LRBA: variants seen among roughly 807,000 people sequenced by gnomAD.
The protein encoded by LRBA is LPS responsive beige-like anchor protein.
Under a neutral mutation model 330.0 loss-of-function variants are expected in LRBA, and 176 were observed. The ratio of observed to expected loss-of-function variants is 0.53; its 90% CI spans 0.47 to 0.60. The LOEUF (loss-of-function observed/expected upper bound fraction) is 0.60, where lower values mean the gene tolerates loss of function less well. Among genes scored for constraint, LRBA ranks in the 20% least tolerant of loss-of-function variants. LRBA has a pLI of 0.00. For synonymous variants in LRBA, 1,230 were observed against 1,193.0 expected, an observed-to-expected ratio of 1.03 and a Z score of -0.64; for missense variants, 3,259 against 3,444.8, an observed-to-expected ratio of 0.95 and a Z score of 1.35.
chr4:150,416,366 C>T (rs1033530088), intron 46 of LRBA, among the ~76,000 whole-genome samples: 5 of 152,136 alleles, frequency 3.3e-5, no homozygotes, highest in East Asian at 1.9e-4. Flanking sequence ...ATGGCAGGCC[C>T]GGCTTTCCAA....
chr4:150,812,136 C>A (rs1348800269), intron 31 of LRBA, among the ~76,000 whole-genome samples: 1 of 152,120 alleles, frequency 6.6e-6, no homozygotes, highest in South Asian at 2.1e-4. Flanking sequence ...AATGTAATAT[C>A]CAAACACATT....
chr4:150,853,316 C>T (rs987307937), intron 22 of LRBA, among the ~76,000 whole-genome samples: 4 of 152,094 alleles, frequency 2.6e-5, no homozygotes, highest in East Asian at 1.9e-4. Context: ...TTGTTTCAAC[C>T]GCTATGAATA....
chr4:150,672,503 A>G (rs1203782167), intron 37 of LRBA, among the ~76,000 whole-genome samples: 1 of 152,074 alleles, frequency 6.6e-6, no homozygotes, highest in Non-Finnish European at 1.5e-5. Flanking sequence ...TTTATAAATA[A>G]TTGTAGAAAA....
At chr4:150,677,805 A>AC (rs902495764) in intron 37 of LRBA, among the ~76,000 whole-genome samples, 3 of 115,858 alleles carry the variant, frequency 2.6e-5, no homozygotes, top group African/African-American at 3.8e-5. Flanking sequence ...CCCATGTCTT[A>AC]AAAAAAAAAA....
intron 40 of LRBA, among the ~76,000 whole-genome samples, chr4:150,505,431 C>G (rs1186820002): frequency 6.6e-6 from 1 of 152,178 alleles, no homozygotes; most frequent in African/African-American, 2.4e-5. Flanking sequence ...GAAACTCAAT[C>G]AAAACCGCTC....
intron 47 of LRBA, among the ~76,000 whole-genome samples, chr4:150,355,009 T>C (rs1432872025): frequency 1.3e-5 from 2 of 151,966 alleles, no homozygotes; most frequent in Non-Finnish European, 2.9e-5. Flanking sequence ...ACACAATCTA[T>C]GCTTTCCTGA....
intron 50 of LRBA, among the ~76,000 whole-genome samples, chr4:150,318,622 CGCTT>C (rs1470142197): frequency 2.6e-5 from 4 of 151,940 alleles, no homozygotes; most frequent in Non-Finnish European, 5.9e-5. Flanking sequence ...ATATAATAAA[CGCTT>C]AATATTCTTA....
chr4:150,541,507 A>G (rs947576149), intron 40 of LRBA, among the ~76,000 whole-genome samples: 2 of 152,236 alleles, frequency 1.3e-5, no homozygotes, highest in African/African-American at 4.8e-5. Context: ...CATGCCAAAT[A>G]TAGACATTTC....
chr4:150,598,742 G>A (rs987060991), intron 38 of LRBA, among the ~76,000 whole-genome samples: 8 of 152,146 alleles, frequency 5.3e-5, no homozygotes, highest in Non-Finnish European at 1.0e-4. Context: ...CTTAAAAGGA[G>A]ACATATTTAA....
At chr4:150,839,513 T>C (rs1748716294) in intron 28 of LRBA, among the ~76,000 whole-genome samples, 1 of 152,134 alleles carries the variant, frequency 6.6e-6, no homozygotes, top group Admixed American at 6.6e-5. Flanking sequence ...ATAGACTGGA[T>C]TAAGAAAATG....
chr4:150,614,615 G>GTGAT (rs1176783294), intron 37 of LRBA, among the ~76,000 whole-genome samples: 1 of 152,178 alleles, frequency 6.6e-6, no homozygotes, highest in East Asian at 1.9e-4. Context: ...TCCAAACCAT[G>GTGAT]TGATGTACAA....
intron 56 of LRBA, among the ~76,000 whole-genome samples, chr4:150,267,576 A>AAATC (rs756105334): frequency 6.6e-6 from 1 of 152,210 alleles, no homozygotes; most frequent in Non-Finnish European, 1.5e-5. Flanking sequence ...AAAATATCTC[A>AAATC]AATCAATAAC....
chr4:150,818,358 C>A (rs1744898009), intron 30 of LRBA, among the ~76,000 whole-genome samples: 1 of 152,040 alleles, frequency 6.6e-6, no homozygotes, highest in African/African-American at 2.4e-5. Flanking sequence ...ATTCAATGTA[C>A]TTCAGGGTAG....
chr4:150,343,674 C>T (rs1735887199), intron 48 of LRBA, among the ~76,000 whole-genome samples: 1 of 152,132 alleles, frequency 6.6e-6, no homozygotes, highest in Non-Finnish European at 1.5e-5. Context: ...CACCATACTT[C>T]CATGGCAAAC....
intron 34 of LRBA, among the ~76,000 whole-genome samples, chr4:150,764,307 G>C (rs183516387): frequency 6.6e-6 from 1 of 151,982 alleles, no homozygotes; most frequent in East Asian, 1.9e-4. Flanking sequence ...TGGAAGTCCT[G>C]GCTAATGCAG....
At chr4:150,944,435 A>G (rs1298592981) in intron 2 of LRBA, among the ~76,000 whole-genome samples, 1 of 152,232 alleles carries the variant, frequency 6.6e-6, no homozygotes, top group Non-Finnish European at 1.5e-5. Flanking sequence ...AACATGAAAC[A>G]TAAGTAACTT....
chr4:150,905,375 C>T (rs1257283072), intron 13 of LRBA, among the ~76,000 whole-genome samples: 1 of 150,842 alleles, frequency 6.6e-6, no homozygotes, highest in African/African-American at 2.4e-5. Flanking sequence ...AGAGAGAGAG[C>T]AGGAGCAGGG....
intron 4 of LRBA, among the ~76,000 whole-genome samples, chr4:150,923,370 T>C (rs888479912): frequency 6.6e-6 from 1 of 152,090 alleles, no homozygotes; most frequent in Non-Finnish European, 1.5e-5. Context: ...CTATTCCTTA[T>C]GCTTAAAATG....
chr4:150,486,615 G>C (rs1449468239), intron 42 of LRBA, among the ~76,000 whole-genome samples: 1 of 151,672 alleles, frequency 6.6e-6, no homozygotes, highest in African/African-American at 2.4e-5. Flanking sequence ...TAGCTAATTT[G>C]AGCAAATTAA....
Sources: allele counts gnomAD v4.1 joint callset (sites outside exome capture counted in the v4.1 genomes callset), GRCh38; gene constraint gnomAD v4.1.1; transcripts MANE v1.5; gene names NCBI Gene and HGNC (gene_info 2026-07-23, HGNC 2026-07-21).